Variants in TRAK1 observed in about 807,000 individuals in gnomAD.
The protein encoded by TRAK1 is trafficking kinesin-binding protein 1.
Under a neutral mutation model 92.1 loss-of-function variants are expected in TRAK1, and 33 were observed. That is an observed-to-expected ratio of 0.36 (90% CI 0.27 to 0.48). TRAK1 has a LOEUF of 0.48. Ranked by LOEUF, TRAK1 falls within the 20% of genes least tolerant of loss-of-function variation. The pLI, the probability that TRAK1 is intolerant of heterozygous loss-of-function variation, is 0.99. For missense variants in TRAK1, 1,123 were observed against 1,257.9 expected, an observed-to-expected ratio of 0.89 and a Z score of 1.62; for synonymous variants, 521 against 517.3, an observed-to-expected ratio of 1.01 and a Z score of -0.10.
At chr3:42,066,759 C>T (rs1405912425) in intron 1 of TRAK1, among the ~76,000 whole-genome samples, 1 of 152,158 alleles carries the variant, frequency 6.6e-6, no homozygotes, top group African/African-American at 2.4e-5. Context: ...CACTGAAGGC[C>T]CAGCTGTCAC....
intron 13 of TRAK1, chr3:42,203,292 A>G: frequency 1.0e-6 from 1 of 997,264 alleles, no homozygotes; most frequent in Non-Finnish European, 1.2e-6. Flanking sequence ...CTTTTGGCAG[A>G]TGCAGTATGT....
intron 1 of TRAK1, among the ~76,000 whole-genome samples, chr3:42,063,267 C>G (rs758996749): frequency 4.8e-4 from 73 of 152,256 alleles, no homozygotes; most frequent in Admixed American, 1.8e-3. Flanking sequence ...TTCCGCTTCG[C>G]GGGAAAAGTT....
intron 2 of TRAK1, among the ~76,000 whole-genome samples, chr3:42,167,662 C>T (rs1305777530): frequency 6.6e-6 from 1 of 152,112 alleles, no homozygotes; most frequent in Non-Finnish European, 1.5e-5. Flanking sequence ...GGGTGGATCA[C>T]GAGGTCAGGA....
intron 2 of TRAK1, among the ~76,000 whole-genome samples, chr3:42,174,824 C>T (rs917341284): frequency 5.3e-5 from 8 of 151,518 alleles, no homozygotes; most frequent in Non-Finnish European, 1.0e-4. Context: ...GCCTTGGCCT[C>T]GCAAAGTGCT....
chr3:42,215,816 TTC>T (rs1339691447), intron 14 of TRAK1, among the ~76,000 whole-genome samples: 3 of 152,198 alleles, frequency 2.0e-5, no homozygotes, highest in Non-Finnish European at 4.4e-5. Flanking sequence ...TGTTTCTCCG[TTC>T]TCAGAGGCTT....
chr3:42,133,219 G>C (rs938499882), intron 2 of TRAK1, among the ~76,000 whole-genome samples: 1 of 152,050 alleles, frequency 6.6e-6, no homozygotes, highest in Non-Finnish European at 1.5e-5. Flanking sequence ...CGGAGACTCT[G>C]TGACCTGGCT....
intron 2 of TRAK1, among the ~76,000 whole-genome samples, chr3:42,129,677 C>T (rs900068646): frequency 3.9e-5 from 6 of 152,174 alleles, no homozygotes; most frequent in Non-Finnish European, 7.3e-5. Context: ...GCATAGTCAA[C>T]GTACGGTACT....
At chr3:42,035,637 C>T (rs1702299390) in intron 1 of TRAK1, among the ~76,000 whole-genome samples, 1 of 152,216 alleles carries the variant, frequency 6.6e-6, no homozygotes, top group South Asian at 2.1e-4. Context: ...CCTAATTGTC[C>T]TGTTGGACTT....
chr3:42,110,605 G>C (rs562782088), intron 1 of TRAK1, among the ~76,000 whole-genome samples: 84 of 152,286 alleles, frequency 5.5e-4, no homozygotes, highest in African/African-American at 1.9e-3. Flanking sequence ...TGTTGTCCTG[G>C]CTGAGCCCCT....
At chr3:42,110,933 T>C (rs1054563654) in intron 1 of TRAK1, among the ~76,000 whole-genome samples, 1 of 152,182 alleles carries the variant, frequency 6.6e-6, no homozygotes. Context: ...GCAGACCCTG[T>C]CTTTGCCCTC....
chr3:42,075,777 A>T (rs1026371765), intron 1 of TRAK1, among the ~76,000 whole-genome samples: 5 of 152,018 alleles, frequency 3.3e-5, no homozygotes, highest in African/African-American at 1.2e-4. Context: ...CTTTTTGGCC[A>T]TGTGTATGTC....
intron 1 of TRAK1, among the ~76,000 whole-genome samples, chr3:42,043,362 C>T (rs1702625049): frequency 6.6e-6 from 1 of 151,866 alleles, no homozygotes; most frequent in African/African-American, 2.4e-5. Flanking sequence ...CCTCTTGCTG[C>T]TTCCCTCACC....
At chr3:42,110,298 G>A (rs975815195) in intron 1 of TRAK1, among the ~76,000 whole-genome samples, 7 of 151,586 alleles carry the variant, frequency 4.6e-5, no homozygotes, top group African/African-American at 1.7e-4. Flanking sequence ...GAAAGGCTGT[G>A]GGGTGTGTAT....
At chr3:42,040,197 T>A (rs1438601867) in intron 1 of TRAK1, among the ~76,000 whole-genome samples, 1 of 152,188 alleles carries the variant, frequency 6.6e-6, no homozygotes, top group Non-Finnish European at 1.5e-5. Flanking sequence ...TAATGAAGTC[T>A]TATTTATTTA....
At chr3:42,053,719 C>A (rs191034140) in intron 1 of TRAK1, among the ~76,000 whole-genome samples, 1 of 152,180 alleles carries the variant, frequency 6.6e-6, no homozygotes, top group East Asian at 1.9e-4. Context: ...CTGAACTGCC[C>A]GGGTGAAGGA....
Position 42,200,996 on chromosome 3 carries a change from G to A in TRAK1, c.1369G>A (p.Val457Ile), listed in dbSNP as rs754824765. The A allele has an allele frequency of 9.3e-6, 15 of 1,614,192 alleles. 1 individual carries two copies. Among genetic ancestry groups the A allele is most frequent in the South Asian group, 3.3e-5 (3 of 91,090 alleles). The change falls in exon 12 of 16, where the codon GTC (valine) becomes ATC (isoleucine). Residue 457 changes from valine to isoleucine, a missense_variant. By Grantham distance (29) the Val-to-Ile change is conservative. Around this residue, in one of 3 missense-constraint regions of TRAK1, gnomAD observed 686 missense variants for 747.6 expected, o/e 0.92. Coordinates refer to ENST00000327628, the MANE Select transcript of TRAK1 (RefSeq NM_001042646.3). ...SSFYGSDIGN[V>I]VLDNKTNSII... ...CTTCTACGGCAGCGACATAGGCAAC[G>A]TCGTCCTCGACAACAAGACCAACAG...
intron 11 of TRAK1, 54 bp downstream of exon 11, chr3:42,199,307 T>C: frequency 2.5e-6 from 4 of 1,584,332 alleles, no homozygotes; most frequent in Non-Finnish European, 3.5e-6. Flanking sequence ...CTTGGACCAG[T>C]GCAGTGTTCA....
At chr3:42,076,378 A>C (rs796843296) in intron 1 of TRAK1, among the ~76,000 whole-genome samples, 5 of 150,724 alleles carry the variant, frequency 3.3e-5, no homozygotes, top group African/African-American at 1.2e-4. Flanking sequence ...GGTGCTCGCC[A>C]CCACGCCCAG....
chr3:42,061,259 G>A (rs576442124), intron 1 of TRAK1, among the ~76,000 whole-genome samples: 1 of 150,822 alleles, frequency 6.6e-6, no homozygotes, highest in African/African-American at 2.4e-5. Flanking sequence ...CTACATCTGT[G>A]CATGCGTGCA....
Sources: allele counts gnomAD v4.1 joint callset (sites outside exome capture counted in the v4.1 genomes callset), GRCh38; gene constraint gnomAD v4.1.1; regional missense constraint gnomAD v4.1.1; transcripts MANE v1.5; gene names NCBI Gene and HGNC (gene_info 2026-07-23, HGNC 2026-07-21).